The following PRKG1 variants were observed in gnomAD, a reference collection of about 807,000 sequenced individuals.
PRKG1 encodes protein kinase cGMP-dependent 1.
A neutral mutation model predicts 88.1 loss-of-function variants in PRKG1; 35 were observed. The ratio of observed to expected loss-of-function variants is 0.40; its 90% CI spans 0.30 to 0.53. The LOEUF (loss-of-function observed/expected upper bound fraction) is 0.53. Among genes scored for constraint, PRKG1 ranks in the 20% least tolerant of loss-of-function variants. PRKG1 has a pLI of 0.59. For synonymous variants in PRKG1, 303 were observed against 292.5 expected (o/e 1.04, Z -0.37); for missense variants, 540 against 839.8 (o/e 0.64, Z 4.41).
At chr10:52,204,467 C>CCTCCA (rs1839762647) in intron 9 of PRKG1, among the ~76,000 whole-genome samples, 2 of 152,182 alleles carry the variant, frequency 1.3e-5, no homozygotes, top group African/African-American at 4.8e-5. Flanking sequence ...AATGGAGGGA[C>CCTCCA]TGGCTGAAGC....
intron 4 of PRKG1, among the ~76,000 whole-genome samples, chr10:51,841,184 C>T (rs182934928): frequency 3.3e-5 from 5 of 152,224 alleles, no homozygotes; most frequent in African/African-American, 1.2e-4. Flanking sequence ...ATCTCTCTCT[C>T]TCTGTCTCAA....
chr10:52,117,234 A>C (rs545815688), intron 7 of PRKG1, among the ~76,000 whole-genome samples: 9 of 146,502 alleles, frequency 6.1e-5, no homozygotes, highest in African/African-American at 2.0e-4. Flanking sequence ...AAGAGATCCA[A>C]AATGCCACTC....
intron 4 of PRKG1, among the ~76,000 whole-genome samples, chr10:51,851,883 G>A (rs548094508): frequency 5.3e-5 from 8 of 152,182 alleles, no homozygotes; most frequent in Admixed American, 2.6e-4. Flanking sequence ...GAGTGCTGTC[G>A]TGGGAAGGAT....
intron 4 of PRKG1, among the ~76,000 whole-genome samples, chr10:51,826,557 G>A (rs920279311): frequency 2.0e-5 from 3 of 152,086 alleles, no homozygotes; most frequent in Non-Finnish European, 1.5e-5. Flanking sequence ...TATTAATAAG[G>A]CCCATTAAAT....
At chr10:51,448,409 C>CTA (rs1200218330) in intron 2 of PRKG1, among the ~76,000 whole-genome samples, 1 of 152,020 alleles carries the variant, frequency 6.6e-6, no homozygotes, top group Non-Finnish European at 1.5e-5. Flanking sequence ...AGGGTTTAAT[C>CTA]TATCCCTGCT....
rs1297169457 is a variant in PRKG1, at chr10:52,295,127, A to C, written c.*1227A>C. 6.6e-6 allele frequency: 1 copy of C among 152,140 alleles called. No individual in the cohort carries two copies. Among genetic ancestry groups the C allele is most frequent in the African/African-American group, 2.4e-5 (1 of 41,432 alleles). The allele number at this position is 152,140 out of a possible 1,614,324, so 9.4% of individuals were successfully genotyped here. A position where few individuals can be genotyped will look rare whatever the true frequency, so the allele number is the denominator to read the frequency against. Reference sequence around the variant, plus strand: ...AAAACAAGAATGAAAAACAGAAATAAAAGAAGTAGAAAAGACAAAGAAAGA... The same window carrying C: ...AAAACAAGAATGAAAAACAGAAATACAAGAAGTAGAAAAGACAAAGAAAGA... On this transcript the variant is annotated 3_prime_UTR_variant, in exon 18 of 18. Transcript: ENST00000373980.
At chr10:51,071,489 T>G (rs1021751801), upstream of PRKG1, among the ~76,000 whole-genome samples, 44 of 152,352 alleles carry the variant, frequency 2.9e-4, no homozygotes, top group Middle Eastern at 3.4e-3. Flanking sequence ...AGTCATGTCT[T>G]TTCAGCTTTT....
upstream of PRKG1, among the ~76,000 whole-genome samples, chr10:51,073,783 G>C (rs1843873266): frequency 1.3e-5 from 2 of 152,062 alleles, no homozygotes; most frequent in African/African-American, 4.8e-5. Context: ...AATTCCTCGC[G>C]GGCGCCGACT....
chr10:51,102,240 C>A (rs903877409), intron 1 of PRKG1, among the ~76,000 whole-genome samples: 3 of 152,126 alleles, frequency 2.0e-5, no homozygotes, highest in Non-Finnish European at 4.4e-5. Context: ...ATTTATTTAA[C>A]TGCATATTTG....
intron 7 of PRKG1, among the ~76,000 whole-genome samples, chr10:52,087,301 A>G (rs984996682): frequency 4.6e-5 from 7 of 152,168 alleles, no homozygotes; most frequent in Admixed American, 4.6e-4. Context: ...GAAATTGATA[A>G]TTTAAAAATA....
At chr10:52,113,246 C>T (rs1442473219) in intron 7 of PRKG1, among the ~76,000 whole-genome samples, 2 of 152,112 alleles carry the variant, frequency 1.3e-5, no homozygotes, top group Non-Finnish European at 2.9e-5. Flanking sequence ...TTGCTAATCT[C>T]TAACATTGCT....
chr10:51,757,323 C>T (rs1339016720), intron 3 of PRKG1, among the ~76,000 whole-genome samples: 5 of 152,072 alleles, frequency 3.3e-5, no homozygotes, highest in East Asian at 1.9e-4. Context: ...AGGCTAGTCT[C>T]GAACTCCTGA....
chr10:51,428,855 A>G (rs1043022745), intron 2 of PRKG1, among the ~76,000 whole-genome samples: 1 of 152,192 alleles, frequency 6.6e-6, no homozygotes, highest in African/African-American at 2.4e-5. Context: ...CCTGGTTGGG[A>G]CAAACAAAAG....
chr10:52,013,157 G>A (rs895700185), intron 5 of PRKG1, among the ~76,000 whole-genome samples: 4 of 151,886 alleles, frequency 2.6e-5, no homozygotes, highest in South Asian at 4.2e-4. Context: ...GGTGGCTCAC[G>A]CCTGTAATCC....
At chr10:51,662,191 C>G (rs1407611678) in intron 3 of PRKG1, among the ~76,000 whole-genome samples, 1 of 151,950 alleles carries the variant, frequency 6.6e-6, no homozygotes, top group Admixed American at 6.6e-5. Flanking sequence ...CAAACCTGCA[C>G]GTTGTTAACA....
At chr10:51,482,856 T>G (rs1379502210) in intron 3 of PRKG1, among the ~76,000 whole-genome samples, 1 of 152,166 alleles carries the variant, frequency 6.6e-6, no homozygotes, top group Non-Finnish European at 1.5e-5. Context: ...AGGTAATATA[T>G]GTCAAATGTG....
At chr10:51,739,121 T>C (rs1387853267) in intron 3 of PRKG1, among the ~76,000 whole-genome samples, 1 of 152,256 alleles carries the variant, frequency 6.6e-6, no homozygotes, top group Non-Finnish European at 1.5e-5. Context: ...CATTATAAAG[T>C]CAGTCCTGGA....
At chr10:51,156,240 C>T (rs1024270407) in intron 2 of PRKG1, among the ~76,000 whole-genome samples, 12 of 148,508 alleles carry the variant, frequency 8.1e-5, no homozygotes, top group African/African-American at 2.2e-4. Flanking sequence ...GTCAATACAT[C>T]TTATGCTGCA....
chr10:51,878,314 C>T (rs1036213626), intron 4 of PRKG1, among the ~76,000 whole-genome samples: 1 of 151,798 alleles, frequency 6.6e-6, no homozygotes, highest in African/African-American at 2.4e-5. Context: ...TATTTCACAA[C>T]TATTTTGATT....
Sources: gnomAD v4.1 joint callset for allele counts (sites outside exome capture counted in the v4.1 genomes callset) on GRCh38, gnomAD v4.1.1 for gene constraint, MANE v1.5 for transcripts, NCBI Gene and HGNC (gene_info 2026-07-23, HGNC 2026-07-21) for gene names.